The following CXCL16 variants were observed in gnomAD, a reference collection of about 807,000 sequenced individuals.
CXCL16 encodes C-X-C motif chemokine ligand 16.
A neutral mutation model predicts 23.8 loss-of-function variants in CXCL16; 18 were observed. The observed-to-expected ratio is 0.76, with a 90% CI of 0.52 to 1.12. The LOEUF (loss-of-function observed/expected upper bound fraction) is 1.12, where lower values mean the gene tolerates loss of function less well. CXCL16 is among the 50% of genes most tolerant of loss of function. The pLI is 0.00. For missense variants in CXCL16, 297 were observed against 315.4 expected, an observed-to-expected ratio of 0.94 and a Z score of 0.44; for synonymous variants, 123 against 132.5, an observed-to-expected ratio of 0.93 and a Z score of 0.49.
Position 4,738,743 on chromosome 17 carries a change from C to T in CXCL16, c.218+39G>A, listed in dbSNP as rs1316879299. On this transcript the variant is annotated intron_variant, in intron 2 of 5. Coordinates refer to ENST00000293778, the MANE Select transcript of CXCL16 (RefSeq NM_001386809.1). The surrounding 1 kb of genome is among the most constrained non-coding windows in gnomAD (Gnocchi z 4.0). ...TCCTGGAGGCACCTGCAAGGAGGGG[C>T]CGCCCAGGCGCTGCCCTCGCAGAGG... The T allele has an allele frequency of 1.2e-6, 2 of 1,606,476 alleles. No homozygotes were observed. The highest frequency in any genetic ancestry group is 1.3e-5 in the African/African-American group (1 of 74,692).
rs1211118402 is a variant in CXCL16 at position 4,739,127 on chromosome 17, C to A, written c.79+134G>T. ...GTCCCCGGGCCTCTGTCCCCAACCC[C>A]AGGCGGCTGGCTGGCTTTCCTCTTG... On this transcript the variant is annotated intron_variant, in intron 1 of 5. Transcript: ENST00000293778. The surrounding 1 kb of genome is among the most constrained non-coding windows in gnomAD (Gnocchi z 5.3). 3 of 1,303,968 alleles carry A rather than the reference C, an allele frequency of 2.3e-6. No homozygotes were observed. In the East Asian group the frequency reaches 7.6e-5, roughly 33 times the overall value. The allele number at this position is 1,303,968 out of a possible 1,614,324, so 80.8% of individuals were successfully genotyped here.
In CXCL16 at chr17:4,734,108, A is replaced by C. The variant is rs1405081059; in HGVS notation, c.*395T>G. The stretch of plus-strand genomic sequence containing the variant: ...CCTGTAGTCCCAGCTACTCAGGAGG[A>C]GGCAGGAGAATCGCTTGAACCTGGG... On this transcript the variant is annotated 3_prime_UTR_variant, in exon 6 of 6. Transcript: ENST00000293778. 6.3e-6 allele frequency: 1 copy of C among 158,570 alleles called. No individual in the cohort carries two copies. Among genetic ancestry groups the C allele is most frequent in the Non-Finnish European group, 1.4e-5 (1 of 71,660 alleles). The allele number at this position is 158,570 out of a possible 1,614,324, so 9.8% of individuals were successfully genotyped here. A position where few individuals can be genotyped will look rare whatever the true frequency, so the allele number is the denominator to read the frequency against.
Position 4,739,627 on chromosome 17 carries a change from G to C in CXCL16, c.-288C>G, listed in dbSNP as rs1916286994. On this transcript the variant is annotated 5_prime_UTR_variant, in exon 1 of 6. Coordinates refer to ENST00000293778, the MANE Select transcript of CXCL16 (RefSeq NM_001386809.1). The surrounding 1 kb of genome is among the most constrained non-coding windows in gnomAD (Gnocchi z 5.3). The stretch of plus-strand genomic sequence containing the variant: ...ACTGGGCCCGGCTCCGTCGAGGGAA[G>C]GCCAGGAATCTTGGAAGAAACCGAA... 1.5e-6 allele frequency: 1 copy of C among 676,256 alleles called. No individual in the cohort carries two copies. The highest frequency in any genetic ancestry group is 2.3e-6 in the Non-Finnish European group (1 of 437,274). The allele number at this position is 676,256 out of a possible 1,614,324, so 41.9% of individuals were successfully genotyped here.
chr17:4,734,543 T>C, intron 5 of CXCL16, 40 bp downstream of exon 5: 2 of 1,367,868 alleles, frequency 1.5e-6, no homozygotes, highest in Non-Finnish European at 2.1e-6. Flanking sequence ...GGGGTCAGTC[T>C]CCTTTATTAC....
rs1193656807 is a variant in CXCL16 at position 4,735,432 on chromosome 17, G to A, written c.378C>T (p.Ala126=). The change falls in exon 4 of 6, where the codon GCC becomes GCT. Residue 126 remains alanine, a synonymous_variant. Transcript: ENST00000293778. ...LLPTSPPISQ[A]SEGASSDIHT... ...GGATATCTGAAGATGCCCCCTCTGA[G>A]GCCTGAGAAATTGGGGGGCTGGTAG... is the stretch of plus-strand genomic sequence containing the variant. The A allele has an allele frequency of 6.6e-7, 1 of 1,524,002 alleles. No homozygotes were observed. The allele number at this position is 1,524,002 out of a possible 1,614,324, so 94.4% of individuals were successfully genotyped here.
chr17:4,734,932 C>A (rs117790604), intron 4 of CXCL16, among the ~76,000 whole-genome samples, 160 bp downstream of exon 4: 58 of 152,304 alleles, frequency 3.8e-4, no homozygotes, highest in African/African-American at 1.4e-3. Context: ...CTACAGTCCC[C>A]GACTGACTGT....
rs1916262651 is a variant in CXCL16, at chr17:4,739,209, C to A, written c.79+52G>T. The A allele has an allele frequency of 1.3e-6, 2 of 1,550,192 alleles. No individual in the cohort carries two copies. Among genetic ancestry groups the A allele is most frequent in the African/African-American group, 1.4e-5 (1 of 73,368 alleles). The stretch of plus-strand genomic sequence containing the variant: ...GGCCTCGTGTCCCCTCCCCAACTCA[C>A]CCCCTTCCCGTGACAGGGGAATCTG... On this transcript the variant is annotated intron_variant, in intron 1 of 5. Transcript: ENST00000293778. This position sits in a 1 kb window ranked among gnomAD's most constrained non-coding sequence, Gnocchi z 5.3.
At chr17:4,735,533 CAG>C in intron 3 of CXCL16, 25 bp from the exon 4 acceptor site, 1 of 1,486,612 alleles carries the variant, frequency 6.7e-7, no homozygotes, top group Non-Finnish European at 9.0e-7. Context: ...AATGAGGAAT[CAG>C]GACTATCAGG....
chr17:4,735,874 G>T (rs947385536), intron 3 of CXCL16, among the ~76,000 whole-genome samples: 3 of 152,020 alleles, frequency 2.0e-5, no homozygotes, highest in Admixed American at 6.6e-5. Context: ...GGGAGTTCGA[G>T]ACCAGTCTGA....
rs1597501100 is a variant in CXCL16, at chr17:4,739,288, G to C, written c.52C>G (p.Leu18Val). Residue 18 changes from leucine to valine, a missense_variant, in exon 1 of 6, where the codon CTC (leucine) becomes GTC (valine). Transcript: ENST00000293778. The surrounding 1 kb of genome is among the most constrained non-coding windows in gnomAD (Gnocchi z 5.3). Reference protein sequence around the residue: ...GSRVLLLLLLLLLVYLTQPGN... With the variant: ...GSRVLLLLLLVLLVYLTQPGN... ...GGCTGAGTCAGGTACACCAGCAGGA[G>C]CAGAAGCAGGAGCAGGAGCACGCGG... 6 of 1,609,780 alleles carry C rather than the reference G, an allele frequency of 3.7e-6. No individual in the cohort carries two copies. The highest frequency in any genetic ancestry group is 1.7e-4 in the Middle Eastern group (1 of 6,018).
intron 3 of CXCL16, among the ~76,000 whole-genome samples, chr17:4,737,735 C>A (rs528712140): frequency 6.6e-6 from 1 of 150,914 alleles, no homozygotes; most frequent in South Asian, 2.1e-4. Context: ...GTAAAATATA[C>A]ATATATAAAT....
chr17:4,737,373 TTTGAGA>T, intron 3 of CXCL16, among the ~76,000 whole-genome samples: 1 of 144,310 alleles, frequency 6.9e-6, no homozygotes. Context: ...AGGTCAGGAG[TTTGAGA>T]CCAGCCTGAC....
intron 3 of CXCL16, among the ~76,000 whole-genome samples, chr17:4,736,937 C>A (rs1185815381): frequency 6.6e-6 from 1 of 152,016 alleles, no homozygotes; most frequent in Non-Finnish European, 1.5e-5. Flanking sequence ...CCTGCCTCAA[C>A]CTCCTGAGTA....
chr17:4,735,142 GA>G lies in CXCL16; in HGVS notation c.667del (p.Ser223ProfsTer54). 1 of 1,614,054 alleles carries G rather than the reference GA, an allele frequency of 6.2e-7. No individual in the cohort carries two copies. Among genetic ancestry groups the G allele is most frequent in the Non-Finnish European group, 8.5e-7 (1 of 1,180,004 alleles). ...CCTCCTCCTCTTGCACAGCACATAG[GA>G]AAGGGCTGCGGTGAGGATGAAGATG... is the stretch of plus-strand genomic sequence containing the variant. ...AIIFILTAALSYVLCKRRRGQ... is the reference protein window; with the variant it reads ...AIIFILTAALXYVLCKRRRGQ... On this transcript the variant is annotated frameshift_variant, in exon 4 of 6. Coordinates refer to ENST00000293778, the MANE Select transcript of CXCL16 (RefSeq NM_001386809.1). LOFTEE classifies it high-confidence loss of function.
In CXCL16 at chr17:4,739,440, C is replaced by T. The variant is rs755152192; in HGVS notation, c.-101G>A. On this transcript the variant is annotated 5_prime_UTR_variant, in exon 1 of 6. Coordinates refer to ENST00000293778, the MANE Select transcript of CXCL16 (RefSeq NM_001386809.1). The surrounding 1 kb of genome is among the most constrained non-coding windows in gnomAD (Gnocchi z 5.3). The stretch of plus-strand genomic sequence containing the variant: ...CAGCTGGTGTCTCAATGGCTTTCGC[C>T]GGGGACCGGAGGAGACGGCGGCCGG... 7.0e-6 allele frequency: 11 copies of T among 1,578,600 alleles called. No homozygotes were observed. The highest frequency in any genetic ancestry group is 8.6e-6 in the Non-Finnish European group (10 of 1,157,910).
Position 4,739,654 on chromosome 17 carries a change from G to T in CXCL16, c.-315C>A. On this transcript the variant is annotated 5_prime_UTR_variant, in exon 1 of 6. Coordinates refer to ENST00000293778, the MANE Select transcript of CXCL16 (RefSeq NM_001386809.1). The surrounding 1 kb of genome is among the most constrained non-coding windows in gnomAD (Gnocchi z 5.3). ...CCAGGAATCTTGGAAGAAACCGAAA[G>T]AAAACTCCGGCGGCGGGCGAGGAGG... 1.4e-6 allele frequency: 1 copy of T among 714,350 alleles called. No homozygotes were observed. Among genetic ancestry groups the T allele is most frequent in the Non-Finnish European group, 2.1e-6 (1 of 480,346 alleles). The allele number at this position is 714,350 out of a possible 1,614,324, so 44.3% of individuals were successfully genotyped here.
In CXCL16 at chr17:4,739,520, C is replaced by T. The variant is rs752371; in HGVS notation, c.-181G>A. The T allele has an allele frequency of 0.19, 174,699 of 899,878 alleles. 18,766 individuals carry two copies. Among genetic ancestry groups the T allele is most frequent in the Non-Finnish European group, 0.23 (138,317 of 601,732 alleles). 55.7% of individuals were successfully genotyped at this position (899,878 alleles called of 1,614,324 possible). ...GGCCCTGCTGTGCCCCGACCGTGCG[C>T]TCAGTACTCGGCCCGCGCCATGCCA... On this transcript the variant is annotated 5_prime_UTR_variant, in exon 1 of 6. Transcript: ENST00000293778. The surrounding 1 kb of genome is among the most constrained non-coding windows in gnomAD (Gnocchi z 5.3).
intron 3 of CXCL16, among the ~76,000 whole-genome samples, chr17:4,735,985 G>A (rs1203129279): frequency 2.6e-5 from 4 of 152,010 alleles, no homozygotes; most frequent in African/African-American, 7.3e-5. Flanking sequence ...AGGCAGAATC[G>A]CCTGAACCCA....
At chr17:4,735,069 GA>G in intron 4 of CXCL16, 22 bp downstream of exon 4, 1 of 1,585,074 alleles carries the variant, frequency 6.3e-7, no homozygotes, top group Non-Finnish European at 8.6e-7. Flanking sequence ...TCCCTGGGGG[GA>G]GGGTTCAAAG....
Sources: gnomAD v4.1 joint callset for allele counts (sites outside exome capture counted in the v4.1 genomes callset) on GRCh38, gnomAD v4.1.1 for gene constraint, Gnocchi (gnomAD v3.1) non-coding constraint, MANE v1.5 for transcripts, NCBI Gene and HGNC (gene_info 2026-07-23, HGNC 2026-07-21) for gene names.